The following GSTA2 variants were observed in gnomAD, a reference collection of about 807,000 sequenced individuals.
GSTA2 encodes the protein glutathione S-transferase A2.
In GSTA2, 27 loss-of-function variants were observed where a neutral mutation model predicts 22.4. The ratio of observed to expected loss-of-function variants is 1.21; its 90% CI spans 0.89 to 1.67. The LOEUF is 1.67. Among genes scored for constraint, GSTA2 ranks in the 40% most tolerant of loss-of-function variants. The pLI, the probability that GSTA2 is intolerant of heterozygous loss-of-function variation, is 0.00. For synonymous variants in GSTA2, 121 were observed against 86.8 expected (o/e 1.39, Z -2.19); for missense variants, 302 against 260.2 (o/e 1.16, Z -1.11).
chr6:52,752,079 T>C (rs968199185), intron 5 of GSTA2, among the ~76,000 whole-genome samples: 7 of 152,140 alleles, frequency 4.6e-5, no homozygotes, highest in Non-Finnish European at 1.5e-5. Flanking sequence ...CATTCTGCTG[T>C]CTCCCGCTCC....
Position 52,752,852 on chromosome 6 carries a change from A to G in GSTA2, c.414+2T>C. The G allele has an allele frequency of 1.9e-6, 3 of 1,613,804 alleles. No homozygotes were observed. The highest frequency in any genetic ancestry group is 2.5e-6 in the Non-Finnish European group (3 of 1,179,794). ...CCCAAAACACTGAACAGCTTCACTT[A>G]CTTTTTCAAAGGCAGGGAAGTAGCG... On this transcript the variant is annotated splice_donor_variant, in intron 5 of 6. Transcript: ENST00000493422. LOFTEE classifies it high-confidence loss of function.
In GSTA2 at chr6:52,750,473, A is replaced by T. The variant is rs2127283906; in HGVS notation, c.*104T>A. 1 of 1,082,316 alleles carries T rather than the reference A, an allele frequency of 9.2e-7. No individual in the cohort carries two copies. The highest frequency in any genetic ancestry group is 2.4e-5 in the East Asian group (1 of 41,832). The allele number at this position is 1,082,316 out of a possible 1,614,324, so 67.0% of individuals were successfully genotyped here. A position where few individuals can be genotyped will look rare whatever the true frequency, so the allele number is the denominator to read the frequency against. ...ATTAGCATATAATTTGAAAGAGTTC[A>T]TTAGCTTCACAACAGGCACAATCAA... On this transcript the variant is annotated 3_prime_UTR_variant, in exon 7 of 7. Transcript: ENST00000493422.
Position 52,757,957 on chromosome 6 carries a change from C to G in GSTA2, c.-10G>C, listed in dbSNP as rs1803684. On this transcript the variant is annotated 5_prime_UTR_variant, in exon 2 of 7. Transcript: ENST00000493422. The stretch of plus-strand genomic sequence containing the variant: ...TGGGCTTCTCTGCCATGGTAGCAGT[C>G]TCCTGGAGGTTTCTCTAAGCCTGAG... The G allele has an allele frequency of 0.075, 119,944 of 1,601,318 alleles. 10,501 individuals are homozygous for G. Among genetic ancestry groups the G allele is most frequent in the African/African-American group, 0.44 (32,593 of 74,558 alleles).
chr6:52,762,817 C>T (rs1334643070), intron 1 of GSTA2, among the ~76,000 whole-genome samples: 1 of 152,164 alleles, frequency 6.6e-6, no homozygotes, highest in East Asian at 1.9e-4. Context: ...TAGAAATATC[C>T]TAGAGTGGGC....
At chr6:52,758,516 G>A (rs1762890465) in intron 1 of GSTA2, among the ~76,000 whole-genome samples, 1 of 152,168 alleles carries the variant, frequency 6.6e-6, no homozygotes, top group African/African-American at 2.4e-5. Flanking sequence ...CCAGCTGGGT[G>A]AAGGCCCTGG....
At chr6:52,752,330 G>A (rs1349698395) in intron 5 of GSTA2, among the ~76,000 whole-genome samples, 1 of 152,176 alleles carries the variant, frequency 6.6e-6, no homozygotes, top group African/African-American at 2.4e-5. Context: ...CTGCTCTGAT[G>A]TCTGCAACTT....
chr6:52,757,889 C>G lies in GSTA2; in HGVS notation c.59G>C (p.Arg20Pro), dbSNP rs142063997. The change falls in exon 2 of 7, where the codon CGG becomes CCG. Residue 20 changes from arginine to proline, a missense_variant. Physicochemically the swap from Arg to Pro is moderately radical, Grantham distance 103 (BLOSUM62 -2). Transcript: ENST00000493422. ...TACTCCAGCTGCAGCCAGGAGCCAC[C>G]GGATGGACTCCATTCTGCCCCGTAT... is the stretch of plus-strand genomic sequence containing the variant. ...SNIRGRMESI[R>P]WLLAAAGVEF... 1.2e-6 allele frequency: 2 copies of G among 1,613,550 alleles called. No individual in the cohort carries two copies. Among genetic ancestry groups the G allele is most frequent in the African/African-American group, 1.3e-5 (1 of 74,888 alleles).
intron 5 of GSTA2, 123 bp from the exon 6 acceptor site, chr6:52,751,831 A>T: frequency 1.4e-6 from 2 of 1,387,594 alleles, no homozygotes; most frequent in South Asian, 2.5e-5. Context: ...GGATGCAGAA[A>T]TCCCGAGCTT....
intron 2 of GSTA2, among the ~76,000 whole-genome samples, 192 bp from the exon 3 acceptor site, chr6:52,756,501 G>A (rs912418713): frequency 1.4e-4 from 22 of 152,334 alleles, no homozygotes; most frequent in Non-Finnish European, 2.9e-5. Flanking sequence ...ATGGGTCACA[G>A]CACATAGCTG....
At chr6:52,753,416 G>A (rs1249743179) in intron 4 of GSTA2, among the ~76,000 whole-genome samples, 1 of 152,128 alleles carries the variant, frequency 6.6e-6, no homozygotes, top group African/African-American at 2.4e-5. Flanking sequence ...TGCTTCCTAA[G>A]TAATCCTAAG....
intron 1 of GSTA2, among the ~76,000 whole-genome samples, chr6:52,761,344 G>A (rs1290083191): frequency 6.6e-6 from 1 of 152,022 alleles, no homozygotes; most frequent in Non-Finnish European, 1.5e-5. Context: ...TATAATCTCT[G>A]TCTACCCATC....
At chr6:52,756,401 G>A in intron 2 of GSTA2, 92 bp from the exon 3 acceptor site, 2 of 1,045,344 alleles carry the variant, frequency 1.9e-6, no homozygotes, top group South Asian at 2.6e-5. Context: ...ATCATTTGGA[G>A]AATATAAGAT....
intron 2 of GSTA2, 64 bp downstream of exon 2, chr6:52,757,797 G>A: frequency 7.4e-7 from 1 of 1,347,454 alleles, no homozygotes; most frequent in South Asian, 1.2e-5. Context: ...CATAGTTTCT[G>A]TGGGAAAAGT....
chr6:52,757,753 A>C (rs1298827116), intron 2 of GSTA2, 108 bp downstream of exon 2: 16 of 970,208 alleles, frequency 1.6e-5, no homozygotes, highest in Non-Finnish European at 2.6e-5. Flanking sequence ...GTCCCTTTTT[A>C]TTTAAGGCAC....
intron 1 of GSTA2, among the ~76,000 whole-genome samples, chr6:52,759,110 A>C (rs1420669423): frequency 6.6e-6 from 1 of 152,232 alleles, no homozygotes; most frequent in African/African-American, 2.4e-5. Context: ...AGAAAAGAAA[A>C]GAATAGAAAA....
chr6:52,751,586 A>C lies in GSTA2; in HGVS notation c.537T>G (p.Pro179=). Residue 179 remains proline (P), a synonymous_variant, in exon 6 of 7, where the codon CCT becomes CCG. Coordinates refer to ENST00000493422, the MANE Select transcript of GSTA2 (RefSeq NM_000846.5). ...ELDSSLISSF[P]LLKALKTRIS... ...CTGTGAAATGGGTCACCTTCAGCAG[A>C]GGGAAGCTGGAAATAAGGCTAGAGT... 6.2e-7 allele frequency: 1 copy of C among 1,614,066 alleles called. No homozygotes were observed. Among genetic ancestry groups the C allele is most frequent in the African/African-American group, 1.3e-5 (1 of 75,038 alleles).
At chr6:52,751,202 A>C (rs1242590956) in intron 6 of GSTA2, among the ~76,000 whole-genome samples, 2 of 152,178 alleles carry the variant, frequency 1.3e-5, no homozygotes, top group African/African-American at 4.8e-5. Flanking sequence ...GAGCCCAGGG[A>C]GGAAACCAGA....
chr6:52,752,804 C>A, intron 5 of GSTA2, 50 bp downstream of exon 5: 1 of 1,609,338 alleles, frequency 6.2e-7, no homozygotes, highest in South Asian at 1.1e-5. Flanking sequence ...CACTATTTTT[C>A]TACTGGCTTC....
intron 5 of GSTA2, 79 bp from the exon 6 acceptor site, chr6:52,751,787 C>T (rs2127284754): frequency 6.2e-7 from 1 of 1,602,704 alleles, no homozygotes; most frequent in Non-Finnish European, 8.5e-7. Context: ...GCCTCTCCAC[C>T]CTGACTTTCC....
Sources: allele counts gnomAD v4.1 joint callset (sites outside exome capture counted in the v4.1 genomes callset), GRCh38; gene constraint gnomAD v4.1.1; transcripts MANE v1.5; gene names NCBI Gene and HGNC (gene_info 2026-07-23, HGNC 2026-07-21).